Variants in BARX2 observed in about 807,000 individuals in gnomAD.
BARX2 encodes the protein BARX homeobox 2, also known as homeobox protein BarH-like 2.
Under a neutral mutation model 25.5 loss-of-function variants are expected in BARX2, and 11 were observed. That is an observed-to-expected ratio of 0.43 (90% CI 0.27 to 0.71). The LOEUF (loss-of-function observed/expected upper bound fraction) is 0.71, where lower values mean the gene tolerates loss of function less well. BARX2 is among the 30% of genes least tolerant of loss of function. The pLI is 0.19. For synonymous variants in BARX2, 137 were observed against 149.5 expected, an observed-to-expected ratio of 0.92 and a Z score of 0.61; for missense variants, 360 against 359.9, an observed-to-expected ratio of 1.00 and a Z score of 0.00.
At chr11:129,408,349 C>A (rs747094300) in intron 1 of BARX2, among the ~76,000 whole-genome samples, 5 of 152,128 alleles carry the variant, frequency 3.3e-5, no homozygotes, top group Non-Finnish European at 7.4e-5. Flanking sequence ...TGTTTCTAGA[C>A]ACATTTTAGT....
chr11:129,391,189 C>T (rs1861662450), intron 1 of BARX2, among the ~76,000 whole-genome samples: 1 of 152,156 alleles, frequency 6.6e-6, no homozygotes, highest in Admixed American at 6.5e-5. Flanking sequence ...AAATCTGGCC[C>T]ACTACGAATT....
rs527814507 is a variant in BARX2, at chr11:129,447,492, G to A, written c.574-3644G>A. Among the ~76,000 whole-genome samples the A allele has an allele frequency of 2.0e-5, 3 of 152,290 alleles. No individual in the cohort carries two copies. The South Asian group carries it at 6.2e-4, about 32-fold the overall frequency. ...GGGCTCCTAGGAGGAAGGCCACAGG[G>A]TGCATGTGAATGGGCAGCTCCTGAT... On this transcript the variant is annotated intron_variant, in intron 3 of 3. Coordinates refer to ENST00000281437, the MANE Select transcript of BARX2 (RefSeq NM_003658.5).
At position 129,450,314 on chromosome 11, in the gene BARX2, G is replaced by GA. The variant is rs1409828589; in HGVS notation, c.574-816dup. ...CATTGTTGAAAGTTTAGAAAATATA[G>GA]AAAAAACAAAGATTAAAAATGATTC... On this transcript the variant is annotated intron_variant, in intron 3 of 3. Coordinates refer to ENST00000281437, the MANE Select transcript of BARX2 (RefSeq NM_003658.5). 3.9e-5 allele frequency among the ~76,000 whole-genome samples: 6 copies of GA among 152,170 alleles called. No individual in the cohort carries two copies. The East Asian group carries it at 1.2e-3, about 29-fold the overall frequency.
At chr11:129,435,186 C>G (rs939670892) in intron 1 of BARX2, among the ~76,000 whole-genome samples, 6 of 152,166 alleles carry the variant, frequency 3.9e-5, no homozygotes, top group African/African-American at 1.4e-4. Flanking sequence ...TTTTCTTGCT[C>G]TAAAATATCA....
Position 129,436,558 on chromosome 11 carries a change from G to C in BARX2, c.188-193G>C. 1 of 548,768 alleles carries C rather than the reference G, an allele frequency of 1.8e-6. No individual in the cohort carries two copies. Among genetic ancestry groups the C allele is most frequent in the Non-Finnish European group, 3.1e-6 (1 of 323,054 alleles). 34.0% of individuals were successfully genotyped at this position (548,768 alleles called of 1,614,324 possible). A position where few individuals can be genotyped will look rare whatever the true frequency, so the allele number is the denominator to read the frequency against. ...CGTGGGCTTCATCTTCCCACACAGA[G>C]CAGAGCAGACCTCTGTGCCTGCCCT... On this transcript the variant is annotated intron_variant, in intron 1 of 3. Transcript: ENST00000281437. This position sits in a 1 kb window ranked among gnomAD's most constrained non-coding sequence, Gnocchi z 4.5.
intron 3 of BARX2, among the ~76,000 whole-genome samples, chr11:129,443,193 A>T (rs1383781161): frequency 6.6e-6 from 1 of 152,112 alleles, no homozygotes; most frequent in Non-Finnish European, 1.5e-5. Flanking sequence ...TTATTATTAT[A>T]CTTAAGTTCT....
chr11:129,397,488 G>A (rs114206333), intron 1 of BARX2, among the ~76,000 whole-genome samples: 6 of 152,188 alleles, frequency 3.9e-5, no homozygotes, highest in East Asian at 3.9e-4. Flanking sequence ...AAGCTTTCAC[G>A]AATTAAATTT....
In BARX2 at chr11:129,375,981, CGGGCCGGG is replaced by C; in HGVS notation, c.-54_-47del. 2 of 1,095,654 alleles carry C rather than the reference CGGGCCGGG, an allele frequency of 1.8e-6. No individual in the cohort carries two copies. The highest frequency in any genetic ancestry group is 2.2e-6 in the Non-Finnish European group (2 of 897,034). The allele number at this position is 1,095,654 out of a possible 1,614,324, so 67.9% of individuals were successfully genotyped here. A position where few individuals can be genotyped will look rare whatever the true frequency, so the allele number is the denominator to read the frequency against. ...CGTCGCGCCAGCCCCGCGGCCCCAG[CGGGCCGGG>C]CACTCGCAGCCGCGCTCGGGCCGGC... On this transcript the variant is annotated 5_prime_UTR_variant, in exon 1 of 4. Transcript: ENST00000281437. The surrounding 1 kb of genome is among the most constrained non-coding windows in gnomAD (Gnocchi z 4.0).
In BARX2 at chr11:129,375,931, G is replaced by A; in HGVS notation, c.-105G>A. 1 of 652,890 alleles carries A rather than the reference G, an allele frequency of 1.5e-6. No individual in the cohort carries two copies. The highest frequency in any genetic ancestry group is 1.9e-6 in the Non-Finnish European group (1 of 526,104). 40.4% of individuals were successfully genotyped at this position (652,890 alleles called of 1,614,324 possible). A position where few individuals can be genotyped will look rare whatever the true frequency, so the allele number is the denominator to read the frequency against. ...CCCGAGCCCCGCCGCCTCCCCAGCT[G>A]CCGGGAGCGGGGCCCAGGCCCCGCC... is the stretch of plus-strand genomic sequence containing the variant. On this transcript the variant is annotated 5_prime_UTR_variant, in exon 1 of 4. Transcript: ENST00000281437. The surrounding 1 kb of genome is among the most constrained non-coding windows in gnomAD (Gnocchi z 4.0).
upstream of BARX2, among the ~76,000 whole-genome samples, chr11:129,375,342 C>G (rs1428028244): frequency 3.3e-5 from 5 of 152,192 alleles, no homozygotes; most frequent in African/African-American, 1.2e-4. This position sits in a 1 kb window ranked among gnomAD's most constrained non-coding sequence, Gnocchi z 4.0. Context: ...GGCACTGGCT[C>G]TGTGGCCCGA....
chr11:129,425,946 A>G (rs1356611838), intron 1 of BARX2, among the ~76,000 whole-genome samples: 3 of 151,254 alleles, frequency 2.0e-5, no homozygotes, highest in African/African-American at 7.3e-5. Context: ...GGATTTTAGA[A>G]TAAATTTATT....
chr11:129,439,436 C>T (rs1862231312), intron 2 of BARX2, among the ~76,000 whole-genome samples: 1 of 152,174 alleles, frequency 6.6e-6, no homozygotes, highest in Non-Finnish European at 1.5e-5. Flanking sequence ...CTATCCTCCC[C>T]ACCCCCAAAC....
chr11:129,393,003 G>C (rs1861681218), intron 1 of BARX2, among the ~76,000 whole-genome samples: 1 of 152,146 alleles, frequency 6.6e-6, no homozygotes, highest in Non-Finnish European at 1.5e-5. Context: ...AGAAATGGTT[G>C]TTCATGCCTG....
At chr11:129,439,543 CAAG>C (rs1862232532) in intron 2 of BARX2, among the ~76,000 whole-genome samples, 1 of 152,118 alleles carries the variant, frequency 6.6e-6, no homozygotes, top group African/African-American at 2.4e-5. Flanking sequence ...CGGAAGGAAG[CAAG>C]AAGGGAGTTG....
At chr11:129,419,134 C>T in intron 1 of BARX2, among the ~76,000 whole-genome samples, 1 of 152,168 alleles carries the variant, frequency 6.6e-6, no homozygotes, top group South Asian at 2.1e-4. Flanking sequence ...CTGTCCAGGG[C>T]CGGCCCCCGC....
chr11:129,413,641 T>A (rs1861912438), intron 1 of BARX2, among the ~76,000 whole-genome samples: 1 of 152,132 alleles, frequency 6.6e-6, no homozygotes, highest in Non-Finnish European at 1.5e-5. Context: ...GGTAAAAAGA[T>A]ATCTCAGTGG....
intron 1 of BARX2, among the ~76,000 whole-genome samples, chr11:129,424,233 T>C (rs1273868034): frequency 6.6e-6 from 1 of 152,232 alleles, no homozygotes; most frequent in Non-Finnish European, 1.5e-5. Context: ...AATTTATGCA[T>C]TCATCTCAGA....
intron 1 of BARX2, among the ~76,000 whole-genome samples, chr11:129,418,819 A>G (rs1251244785): frequency 6.6e-6 from 1 of 152,202 alleles, no homozygotes; most frequent in Non-Finnish European, 1.5e-5. Flanking sequence ...ATGCACATCA[A>G]CTGCCTGGAA....
At position 129,436,579 on chromosome 11, in the gene BARX2, G is replaced by A. The variant is rs1231986922; in HGVS notation, c.188-172G>A. ...CAGAGCAGAGCAGACCTCTGTGCCT[G>A]CCCTGCAGCTGTAGGTCTTGAGTTA... On this transcript the variant is annotated intron_variant, in intron 1 of 3. Transcript: ENST00000281437. This position sits in a 1 kb window ranked among gnomAD's most constrained non-coding sequence, Gnocchi z 4.5. 3 of 692,890 alleles carry A rather than the reference G, an allele frequency of 4.3e-6. No homozygotes were observed. Among genetic ancestry groups the A allele is most frequent in the South Asian group, 2.4e-5 (1 of 41,226 alleles). 42.9% of individuals were successfully genotyped at this position (692,890 alleles called of 1,614,324 possible).
Sources: allele counts gnomAD v4.1 joint callset (sites outside exome capture counted in the v4.1 genomes callset), GRCh38; gene constraint gnomAD v4.1.1; non-coding constraint Gnocchi (gnomAD v3.1); transcripts MANE v1.5; gene names NCBI Gene and HGNC (gene_info 2026-07-23, HGNC 2026-07-21).